The following ENTHD1 variants were observed in gnomAD, a reference collection of about 807,000 sequenced individuals.
ENTHD1 encodes ENTH domain containing 1.
ENTHD1 carries 23 observed loss-of-function variants against 39.1 expected under a neutral mutation model. The observed-to-expected ratio is 0.59, with a 90% CI of 0.42 to 0.83. The LOEUF is 0.83. Ranked by LOEUF, ENTHD1 falls within the 40% of genes least tolerant of loss-of-function variation. The probability of loss-of-function intolerance (pLI) is 0.00; values close to 1 mark genes in which losing one functional copy is unlikely to be tolerated. For synonymous variants in ENTHD1, 230 were observed against 258.2 expected (o/e 0.89, Z 1.05); for missense variants, 624 against 705.4 (o/e 0.88, Z 1.31).
chr22:39,835,502 T>G (rs1331294378), intron 4 of ENTHD1, among the ~76,000 whole-genome samples: 1 of 152,118 alleles, frequency 6.6e-6, no homozygotes, highest in Admixed American at 6.5e-5. Flanking sequence ...TTCTCAAGAT[T>G]TTTTTAATAG....
intron 5 of ENTHD1, among the ~76,000 whole-genome samples, chr22:39,794,437 C>A (rs1286959674): frequency 7.2e-5 from 11 of 152,080 alleles, no homozygotes; most frequent in Admixed American, 6.6e-4. Context: ...AATTTGGATG[C>A]CTTTTCTTTC....
chr22:39,762,713 A>G (rs2065245324), intron 6 of ENTHD1, among the ~76,000 whole-genome samples: 1 of 152,118 alleles, frequency 6.6e-6, no homozygotes. Context: ...TTAGCCTCCC[A>G]AAGTGCTGGG....
chr22:39,892,686 G>T (rs1288470829), intron 1 of ENTHD1, among the ~76,000 whole-genome samples: 2 of 151,522 alleles, frequency 1.3e-5, no homozygotes, highest in Non-Finnish European at 2.9e-5. Flanking sequence ...AATGACAATA[G>T]CATCTAAGAG....
chr22:39,830,690 T>C (rs1344362357), intron 4 of ENTHD1, among the ~76,000 whole-genome samples: 1 of 152,130 alleles, frequency 6.6e-6, no homozygotes, highest in Non-Finnish European at 1.5e-5. Flanking sequence ...TGACAAAAAT[T>C]TGTCAATTGA....
chr22:39,762,197 G>A (rs908615402), intron 6 of ENTHD1, among the ~76,000 whole-genome samples: 4 of 152,068 alleles, frequency 2.6e-5, no homozygotes, highest in African/African-American at 4.8e-5. Context: ...CCCCCTATAC[G>A]TATAGTTTAG....
chr22:39,784,645 G>A (rs552160557), intron 5 of ENTHD1, among the ~76,000 whole-genome samples: 8 of 151,644 alleles, frequency 5.3e-5, no homozygotes, highest in Non-Finnish European at 7.4e-5. Context: ...GGATGGAACC[G>A]TAGGTCATCA....
chr22:39,879,528 A>G (rs774004649), intron 2 of ENTHD1, among the ~76,000 whole-genome samples: 4 of 148,772 alleles, frequency 2.7e-5, no homozygotes, highest in Admixed American at 6.7e-5. Flanking sequence ...AAGATCCTCC[A>G]CATCATACAT....
chr22:39,834,962 G>A (rs557980225), intron 4 of ENTHD1, among the ~76,000 whole-genome samples: 32 of 152,286 alleles, frequency 2.1e-4, no homozygotes, highest in Admixed American at 3.9e-4. Context: ...GCCAGAGGAT[G>A]AGTTGGGAGT....
Position 39,887,547 on chromosome 22 carries a change from A to C in ENTHD1, c.202T>G (p.Trp68Gly). ...GTAAGGGATTTATACACGTGGCGCC[A>C]GTTCTTCCCATGGTCATTGAGTCTG... ...WHRLNDHGKN[W>G]RHVYKSLTLM... The change falls in exon 2 of 7, where the codon TGG (tryptophan) becomes GGG (glycine). Residue 68 changes from tryptophan (W) to glycine (G), a missense_variant. By Grantham distance (184) the Trp-to-Gly change is radical. Coordinates refer to ENST00000325157, the MANE Select transcript of ENTHD1 (RefSeq NM_152512.4). 2 of 1,614,218 alleles carry C rather than the reference A, an allele frequency of 1.2e-6. No individual in the cohort carries two copies. The highest frequency in any genetic ancestry group is 1.7e-6 in the Non-Finnish European group (2 of 1,180,050).
intron 5 of ENTHD1, among the ~76,000 whole-genome samples, chr22:39,800,446 A>G (rs1267203282): frequency 2.6e-5 from 4 of 152,182 alleles, no homozygotes; most frequent in Admixed American, 2.0e-4. Flanking sequence ...GATGAGATTA[A>G]TCTGCAAGAA....
intron 5 of ENTHD1, among the ~76,000 whole-genome samples, chr22:39,814,600 A>C (rs943225621): frequency 3.3e-5 from 5 of 152,240 alleles, no homozygotes; most frequent in African/African-American, 9.6e-5. Flanking sequence ...GGCTATAAAC[A>C]GTTCCATGCA....
chr22:39,757,535 G>A (rs2065194748), intron 6 of ENTHD1, among the ~76,000 whole-genome samples: 1 of 152,032 alleles, frequency 6.6e-6, no homozygotes. Flanking sequence ...AAATTAGCTG[G>A]GCATGGTGGC....
At chr22:39,780,545 G>A (rs1352375106) in intron 5 of ENTHD1, among the ~76,000 whole-genome samples, 1 of 151,994 alleles carries the variant, frequency 6.6e-6, no homozygotes, top group African/African-American at 2.4e-5. Flanking sequence ...CCATGTAACT[G>A]GAAACCAAAA....
intron 5 of ENTHD1, among the ~76,000 whole-genome samples, chr22:39,811,884 C>T (rs1296917710): frequency 1.3e-5 from 2 of 152,050 alleles, no homozygotes; most frequent in African/African-American, 4.8e-5. Context: ...GAGGCTGAGG[C>T]AGGAGGATGC....
intron 3 of ENTHD1, 93 bp downstream of exon 3, chr22:39,861,669 ATAT>A: frequency 9.9e-7 from 1 of 1,012,684 alleles, no homozygotes; most frequent in Non-Finnish European, 1.3e-6. Context: ...ATACTAAATA[ATAT>A]TAATAATTTA....
chr22:39,793,274 A>C (rs1002049002), intron 5 of ENTHD1, among the ~76,000 whole-genome samples: 1 of 148,516 alleles, frequency 6.7e-6, no homozygotes, highest in South Asian at 2.1e-4. Context: ...ATTACTCTAT[A>C]TGTATGTCTT....
intron 5 of ENTHD1, among the ~76,000 whole-genome samples, chr22:39,790,711 TACA>T (rs1179259776): frequency 2.6e-5 from 4 of 152,196 alleles, no homozygotes; most frequent in Non-Finnish European, 4.4e-5. Flanking sequence ...AGACCCTGAC[TACA>T]CTCCCAGGCA....
At chr22:39,779,273 G>A (rs1045168726) in intron 5 of ENTHD1, among the ~76,000 whole-genome samples, 14 of 151,998 alleles carry the variant, frequency 9.2e-5, no homozygotes, top group Admixed American at 7.2e-4. Flanking sequence ...ACCAGGAGGC[G>A]GAGGTTGCAG....
At position 39,744,303 on chromosome 22, in the gene ENTHD1, G is replaced by A; in HGVS notation, c.1220-20C>T. 2 of 1,550,518 alleles carry A rather than the reference G, an allele frequency of 1.3e-6. No individual in the cohort carries two copies. The highest frequency in any genetic ancestry group is 2.1e-5 in the Admixed American group (1 of 46,836). On this transcript the variant is annotated intron_variant, in intron 6 of 6. Coordinates refer to ENST00000325157, the MANE Select transcript of ENTHD1 (RefSeq NM_152512.4). ...TTGAAACTAAAATGTGTAAATGAGA[G>A]AAAAAAGATTTATGCAACATACAAA... is the stretch of plus-strand genomic sequence containing the variant.
Sources: gnomAD v4.1 joint callset for allele counts (sites outside exome capture counted in the v4.1 genomes callset) on GRCh38, gnomAD v4.1.1 for gene constraint, MANE v1.5 for transcripts, NCBI Gene and HGNC (gene_info 2026-07-23, HGNC 2026-07-21) for gene names.